Variants in CWF19L1 observed in about 807,000 individuals in gnomAD.
CWF19L1 encodes CWF19 like cell cycle control factor 1.
Under a neutral mutation model 69.7 loss-of-function variants are expected in CWF19L1, and 60 were observed. That is an observed-to-expected ratio of 0.86 (90% confidence interval 0.70 to 1.07). The LOEUF is 1.07. CWF19L1 is among the 50% of genes least tolerant of loss of function. CWF19L1 has a pLI of 0.00. For missense variants in CWF19L1, 591 were observed against 638.9 expected (o/e 0.92, Z 0.81); for synonymous variants, 209 against 222.2 (o/e 0.94, Z 0.53).
chr10:100,238,932 C>CAAAAAAAAAAAA (rs397845145), intron 10 of CWF19L1, among the ~76,000 whole-genome samples: 3 of 68,582 alleles, frequency 4.4e-5, no homozygotes, highest in Non-Finnish European at 7.6e-5. Flanking sequence ...ACTCCGTCTC[C>CAAAAAAAAAAAA]AAAAAAAAAA....
At chr10:100,248,706 G>A (rs1846916836) in intron 7 of CWF19L1, 5 of 1,075,544 alleles carry the variant, frequency 4.6e-6, no homozygotes, top group Admixed American at 3.5e-5. Flanking sequence ...CCAGGCAGAT[G>A]AGCAACGACC....
intron 5 of CWF19L1, among the ~76,000 whole-genome samples, chr10:100,255,635 C>A (rs769705774): frequency 1.7e-4 from 26 of 151,896 alleles, no homozygotes; most frequent in Non-Finnish European, 3.1e-4. Context: ...TGGCAGTGTG[C>A]GCCTATAGTC....
chr10:100,266,642 A>G lies in CWF19L1; in HGVS notation c.23+929T>C, dbSNP rs572299986. 5.6e-5 allele frequency among the ~76,000 whole-genome samples: 8 copies of G among 142,348 alleles called. No individual in the cohort carries two copies. The East Asian group carries it at 1.8e-3, about 31-fold the overall frequency. The allele number at this position is 142,348 out of a possible 152,430, so 93.4% of individuals were successfully genotyped here. On this transcript the variant is annotated intron_variant, in intron 1 of 13. Transcript: ENST00000354105. ...GCGATTCTCCTGCCTCAGCCTCCCA[A>G]GTAGCTGGGATTACAGGCACGCGCC...
chr10:100,265,617 C>A (rs1847554209), intron 1 of CWF19L1, among the ~76,000 whole-genome samples: 1 of 151,188 alleles, frequency 6.6e-6, no homozygotes, highest in South Asian at 2.1e-4. Context: ...GCCTCCCAGG[C>A]TCAAGCCATT....
intron 4 of CWF19L1, among the ~76,000 whole-genome samples, chr10:100,259,202 A>T (rs1847313861): frequency 2.3e-5 from 1 of 43,284 alleles, no homozygotes; most frequent in Non-Finnish European, 5.8e-5. Flanking sequence ...CACTGTCTTA[A>T]AAAAAAAAAA....
At chr10:100,239,458 G>A (rs1164223415) in intron 10 of CWF19L1, among the ~76,000 whole-genome samples, 1 of 152,176 alleles carries the variant, frequency 6.6e-6, no homozygotes, top group Non-Finnish European at 1.5e-5. Context: ...GGCCAACAAG[G>A]TGAAACCCCG....
In CWF19L1 at chr10:100,244,545, C is replaced by T. The variant is rs546071493; in HGVS notation, c.965-768G>A. On this transcript the variant is annotated intron_variant, in intron 9 of 13. Coordinates refer to ENST00000354105, the MANE Select transcript of CWF19L1 (RefSeq NM_018294.6). ...TAATTTTTTCTATTTTTAGTACAGA[C>T]GGGGTTTCACCGTGTTAGCCAGGAT... Among the ~76,000 whole-genome samples, 86 of 151,508 alleles carry T rather than the reference C, an allele frequency of 5.7e-4. 1 individual carries two copies. The highest frequency in any genetic ancestry group is 5.9e-4 in the Admixed American group (9 of 15,178).
chr10:100,261,096 A>G (rs1011062845), intron 2 of CWF19L1, 52 bp from the exon 3 acceptor site: 1 of 1,174,152 alleles, frequency 8.5e-7, no homozygotes, highest in Admixed American at 1.9e-5. Flanking sequence ...ATCAAACAGT[A>G]CATAATTGAT....
Position 100,246,789 on chromosome 10 carries a change from AC to A in CWF19L1, c.849+5del. ...ATAAAAATGCCAACCCTCAATCAGA[AC>A]ATACCACAGGGGCAAGAATTTGCTT... On this transcript the variant is annotated splice_donor_5th_base_variant and intron_variant, in intron 8 of 13. Coordinates refer to ENST00000354105, the MANE Select transcript of CWF19L1 (RefSeq NM_018294.6). The A allele has an allele frequency of 6.2e-7, 1 of 1,612,404 alleles. No homozygotes were observed. The highest frequency in any genetic ancestry group is 1.1e-5 in the South Asian group (1 of 90,944).
intron 12 of CWF19L1, among the ~76,000 whole-genome samples, chr10:100,236,301 G>C (rs1846434691): frequency 6.6e-6 from 1 of 152,000 alleles, no homozygotes; most frequent in East Asian, 1.9e-4. Context: ...GAGACAAGGT[G>C]TCTCACTTTG....
Position 100,261,015 on chromosome 10 carries a change from G to A in CWF19L1, c.138C>T (p.Gly46=), listed in dbSNP as rs1412057570. ...CCTCCCATTCAGCATCTTGGGTGGA[G>A]CCAAAGAAATTTCCTACACACAACA... ...DLLLCVGNFF[G]STQDAEWEEY... is the part of the protein sequence containing the mutation. Residue 46 remains glycine, a synonymous_variant, in exon 3 of 14, where the codon GGC becomes GGT. Coordinates refer to ENST00000354105, the MANE Select transcript of CWF19L1 (RefSeq NM_018294.6). The A allele has an allele frequency of 1.9e-6, 3 of 1,612,732 alleles. No homozygotes were observed. Among genetic ancestry groups the A allele is most frequent in the Non-Finnish European group, 2.5e-6 (3 of 1,179,144 alleles).
chr10:100,245,736 C>CA, intron 9 of CWF19L1, 63 bp downstream of exon 9: 2 of 1,345,258 alleles, frequency 1.5e-6, no homozygotes, highest in Non-Finnish European at 2.1e-6. Flanking sequence ...TGCTGCTTTC[C>CA]AAAGAAAAGC....
chr10:100,248,272 A>C lies in CWF19L1; in HGVS notation c.709-1337T>G, dbSNP rs527639579. 33 of 1,314,236 alleles carry C rather than the reference A, an allele frequency of 2.5e-5. No individual in the cohort carries two copies. In the East Asian group the frequency reaches 7.2e-4, roughly 29 times the overall value. The allele number at this position is 1,314,236 out of a possible 1,614,324, so 81.4% of individuals were successfully genotyped here. A position where few individuals can be genotyped will look rare whatever the true frequency, so the allele number is the denominator to read the frequency against. On this transcript the variant is annotated intron_variant, in intron 7 of 13. Transcript: ENST00000354105. ...CAGCAGAAGAAAACATGGCTGCCAA[A>C]GTGTTTTGAGTCCGTTGGCAAGTTT...
chr10:100,254,659 T>A (rs1052238437), intron 5 of CWF19L1: 3 of 152,116 alleles, frequency 2.0e-5, no homozygotes, highest in African/African-American at 7.2e-5. Context: ...GAACTATACT[T>A]TTCTCCTCCA....
Position 100,253,548 on chromosome 10 carries a change from CA to C in CWF19L1, c.505-10del, listed in dbSNP as rs769668708. The C allele has an allele frequency of 6.4e-7, 1 of 1,559,652 alleles. No individual in the cohort carries two copies. Among genetic ancestry groups the C allele is most frequent in the South Asian group, 1.1e-5 (1 of 89,542 alleles). ...TTGGTATCCACTTCTCCCTAGTAAA[CA>C]AAAACTTAGTCATCCATACAGACCA... On this transcript the variant is annotated splice_polypyrimidine_tract_variant and intron_variant, in intron 5 of 13. Coordinates refer to ENST00000354105, the MANE Select transcript of CWF19L1 (RefSeq NM_018294.6).
At chr10:100,257,095 C>T (rs1365165647) in intron 4 of CWF19L1, among the ~76,000 whole-genome samples, 4 of 152,264 alleles carry the variant, frequency 2.6e-5, no homozygotes, top group Middle Eastern at 6.8e-3. Flanking sequence ...TTTCCATTCC[C>T]TCCTGTTGCC....
chr10:100,256,261 C>G lies in CWF19L1; in HGVS notation c.504+1G>C, dbSNP rs145798592. ...ATTCCAACTAAACAAACACTACTCACAGAAGAATTCCCAAAGTTCCCCACA... is the reference window on the plus strand; with the variant it reads ...ATTCCAACTAAACAAACACTACTCAGAGAAGAATTCCCAAAGTTCCCCACA... On this transcript the variant is annotated splice_donor_variant, in intron 5 of 13. Transcript: ENST00000354105. LOFTEE classifies it high-confidence loss of function. The G allele has an allele frequency of 6.2e-7, 1 of 1,612,754 alleles. No individual in the cohort carries two copies. The highest frequency in any genetic ancestry group is 8.5e-7 in the Non-Finnish European group (1 of 1,178,858).
At chr10:100,244,387 G>A (rs1846738217) in intron 9 of CWF19L1, among the ~76,000 whole-genome samples, 2 of 152,122 alleles carry the variant, frequency 1.3e-5, no homozygotes, top group Admixed American at 6.5e-5. Flanking sequence ...ACGGAGTCTC[G>A]CTCTGTCGCC....
In CWF19L1 at chr10:100,238,161, T is replaced by G; in HGVS notation, c.1115A>C (p.Gln372Pro). The change falls in exon 11 of 14, where the codon CAG becomes CCG. Residue 372 changes from glutamine to proline, a missense_variant. By Grantham distance (76) the Gln-to-Pro change is moderately conservative (BLOSUM62 -1). Around this residue, in one of 3 missense-constraint regions of CWF19L1, gnomAD observed 458 missense variants for 489.3 expected, o/e 0.94. Transcript: ENST00000354105. ...CTCTGCTGAAAGCTCCACCACTGACTGGTAGTGTCCAATAGGCAGGATGAG... is the reference window on the plus strand; with the variant it reads ...CTCTGCTGAAAGCTCCACCACTGACGGGTAGTGTCCAATAGGCAGGATGAG... ...HVLILPIGHYQSVVELSAEVV... is the reference protein window; with the variant it reads ...HVLILPIGHYPSVVELSAEVV... 4 of 1,614,154 alleles carry G rather than the reference T, an allele frequency of 2.5e-6. No individual in the cohort carries two copies. Among genetic ancestry groups the G allele is most frequent in the Non-Finnish European group, 3.4e-6 (4 of 1,180,038 alleles).
Sources: gnomAD v4.1 joint callset for allele counts (sites outside exome capture counted in the v4.1 genomes callset) on GRCh38, gnomAD v4.1.1 for gene constraint, gnomAD v4.1.1 regional missense constraint, MANE v1.5 for transcripts, NCBI Gene and HGNC (gene_info 2026-07-23, HGNC 2026-07-21) for gene names.